RAP1GAP2: variants seen among roughly 807,000 people sequenced by gnomAD.
The protein encoded by RAP1GAP2 is rap1 GTPase-activating protein 2.
A neutral mutation model predicts 95.0 loss-of-function variants in RAP1GAP2; 27 were observed. That is an observed-to-expected ratio of 0.28 (90% CI 0.21 to 0.39). The LOEUF is 0.39. Among genes scored for constraint, RAP1GAP2 ranks in the 10% least tolerant of loss-of-function variants. The pLI is 1.00. For missense variants in RAP1GAP2, 771 were observed against 970.0 expected (o/e 0.79, Z 2.72); for synonymous variants, 373 against 380.9 (o/e 0.98, Z 0.24).
intron 2 of RAP1GAP2, among the ~76,000 whole-genome samples, chr17:2,879,975 A>G (rs761947840): frequency 9.2e-5 from 14 of 151,704 alleles, no homozygotes; most frequent in Middle Eastern, 3.4e-3. Flanking sequence ...TGAATATCCA[A>G]TGGGGACCAG....
rs1248204040 is a variant in RAP1GAP2 at position 3,035,742 on chromosome 17, C to G, written c.*2381C>G. 1 of 152,362 alleles carries G rather than the reference C, an allele frequency of 6.6e-6. No individual in the cohort carries two copies. Among genetic ancestry groups the G allele is most frequent in the Non-Finnish European group, 1.5e-5 (1 of 68,164 alleles). 9.4% of individuals were successfully genotyped at this position (152,362 alleles called of 1,614,324 possible). On this transcript the variant is annotated 3_prime_UTR_variant, in exon 25 of 25. Transcript: ENST00000254695. The surrounding 1 kb of genome is among the most constrained non-coding windows in gnomAD (Gnocchi z 4.3). Reference sequence around the variant, plus strand: ...AGAGGGAGGAGGAGAACAAGGATGGCCCAGCCTCCCCTCCCTCCCCTAGAC... The same window carrying G: ...AGAGGGAGGAGGAGAACAAGGATGGGCCAGCCTCCCCTCCCTCCCCTAGAC...
At chr17:2,914,253 AGT>A in intron 3 of RAP1GAP2, among the ~76,000 whole-genome samples, 1 of 152,124 alleles carries the variant, frequency 6.6e-6, no homozygotes, top group Non-Finnish European at 1.5e-5. Flanking sequence ...GTGTCATTTG[AGT>A]TCTCGCTGCT....
At chr17:2,999,037 C>G (rs2046063948) in intron 14 of RAP1GAP2, among the ~76,000 whole-genome samples, 1 of 152,148 alleles carries the variant, frequency 6.6e-6, no homozygotes, top group African/African-American at 2.4e-5. Context: ...AATGATGGAT[C>G]TTAATTTAAA....
intron 11 of RAP1GAP2, among the ~76,000 whole-genome samples, chr17:2,986,469 C>T (rs184690834): frequency 6.6e-5 from 10 of 152,096 alleles, no homozygotes; most frequent in Admixed American, 2.6e-4. Context: ...ATGAGCCATC[C>T]GTCTCCGAGA....
chr17:2,881,582 T>C (rs867160730), intron 2 of RAP1GAP2, among the ~76,000 whole-genome samples: 1 of 152,228 alleles, frequency 6.6e-6, no homozygotes, highest in South Asian at 2.1e-4. Context: ...TCACCTGTGA[T>C]CATTGTGAAT....
At chr17:2,905,263 C>A in intron 2 of RAP1GAP2, 21 bp from the exon 3 acceptor site, 2 of 1,611,918 alleles carry the variant, frequency 1.2e-6, no homozygotes, top group Non-Finnish European at 8.5e-7. Context: ...TCCTCACTCA[C>A]CTCTTTTGGC....
chr17:2,770,571 TGGGGAG>T (rs940783423), intron 2 of RAP1GAP2: 5 of 396,942 alleles, frequency 1.3e-5, no homozygotes, highest in African/African-American at 1.0e-4. Context: ...CCCTCAGTGA[TGGGGAG>T]GCCTTCTAGG....
At chr17:2,911,661 G>A (rs1203446891) in intron 3 of RAP1GAP2, among the ~76,000 whole-genome samples, 1 of 149,686 alleles carries the variant, frequency 6.7e-6, no homozygotes, top group East Asian at 2.0e-4. Context: ...GTGGGGAGGA[G>A]AGGAGGGGGA....
rs1356005535 is a variant in RAP1GAP2, at chr17:3,003,679, C to G, written c.1201-1690C>G. ...CACCTGCATCTGCCTCTCTCCCTCC[C>G]TCCAAGCCCTCGCTGGAGGCCCTCG... On this transcript the variant is annotated intron_variant, in intron 14 of 24. Coordinates refer to ENST00000254695, the MANE Select transcript of RAP1GAP2 (RefSeq NM_015085.5). This position sits in a 1 kb window ranked among gnomAD's most constrained non-coding sequence, Gnocchi z 4.1. Among the ~76,000 whole-genome samples, 2 of 152,212 alleles carry G rather than the reference C, an allele frequency of 1.3e-5. No individual in the cohort carries two copies. Among genetic ancestry groups the G allele is most frequent in the Non-Finnish European group, 2.9e-5 (2 of 68,040 alleles).
intron 2 of RAP1GAP2, among the ~76,000 whole-genome samples, chr17:2,828,296 G>A (rs539476797): frequency 7.4e-4 from 113 of 152,136 alleles, no homozygotes; most frequent in Non-Finnish European, 1.4e-3. Flanking sequence ...AGCCGAGATC[G>A]CGCCATTGCA....
chr17:2,765,537 C>T (rs889696449), intron 1 of RAP1GAP2, among the ~76,000 whole-genome samples: 4 of 151,866 alleles, frequency 2.6e-5, no homozygotes, highest in African/African-American at 4.8e-5. Flanking sequence ...GTCAGGAGAT[C>T]GAGACCATCC....
rs375341868 is a variant in RAP1GAP2 at position 2,981,170 on chromosome 17, C to T, written c.676-25C>T. 7.5e-6 allele frequency: 12 copies of T among 1,607,218 alleles called. No individual in the cohort carries two copies. The African/African-American group carries it at 1.3e-4, about 18-fold the overall frequency. ...TGTCCTCTACAGATATCATCCCTGA[C>T]CTGCGTCTTCTTCTCCCTTCTCAGG... On this transcript the variant is annotated intron_variant, in intron 9 of 24. Transcript: ENST00000254695.
chr17:2,939,225 G>T (rs2043401455), intron 3 of RAP1GAP2, among the ~76,000 whole-genome samples: 1 of 152,044 alleles, frequency 6.6e-6, no homozygotes, highest in South Asian at 2.1e-4. Flanking sequence ...GAGTAGCTGG[G>T]ACTACAGGCA....
In RAP1GAP2 at chr17:3,037,174, C is replaced by T. The variant is rs2047487564; in HGVS notation, c.*3813C>T. The T allele has an allele frequency of 5.2e-5, 8 of 152,656 alleles. No individual in the cohort carries two copies. The highest frequency in any genetic ancestry group is 2.1e-4 in the South Asian group (1 of 4,832). 9.5% of individuals were successfully genotyped at this position (152,656 alleles called of 1,614,324 possible). A position where few individuals can be genotyped will look rare whatever the true frequency, so the allele number is the denominator to read the frequency against. On this transcript the variant is annotated 3_prime_UTR_variant, in exon 25 of 25. Transcript: ENST00000254695. ...CCCTCCCTTCAGCTGGACCGTGTGC[C>T]CCTTTGGGAGGAAGAAGACAAGCCC...
intron 2 of RAP1GAP2, among the ~76,000 whole-genome samples, chr17:2,849,824 C>T (rs1428669298): frequency 6.6e-6 from 1 of 152,196 alleles, no homozygotes; most frequent in African/African-American, 2.4e-5. Flanking sequence ...TCCTCATTTC[C>T]TGCGGTCTGC....
chr17:2,836,856 C>T (rs2071152840), intron 2 of RAP1GAP2, among the ~76,000 whole-genome samples: 1 of 152,190 alleles, frequency 6.6e-6, no homozygotes, highest in African/African-American at 2.4e-5. Context: ...GATTAAGCTG[C>T]TTCCTTCTAT....
intron 19 of RAP1GAP2, 77 bp from the exon 20 acceptor site, chr17:3,025,931 G>C (rs576442969): frequency 9.0e-7 from 1 of 1,105,708 alleles, no homozygotes; most frequent in African/African-American, 1.5e-5. Flanking sequence ...GCCGAGAGAG[G>C]CTCTGCCTGG....
intron 2 of RAP1GAP2, chr17:2,770,472 C>A: frequency 2.5e-6 from 1 of 398,760 alleles, no homozygotes; most frequent in Non-Finnish European, 4.4e-6. Context: ...CCTTGACCCT[C>A]ACATTCTTTG....
At chr17:2,925,909 C>A (rs1430777052) in intron 3 of RAP1GAP2, among the ~76,000 whole-genome samples, 1 of 152,086 alleles carries the variant, frequency 6.6e-6, no homozygotes, top group African/African-American at 2.4e-5. Context: ...GAGGCTGAGG[C>A]AGGTGGATCA....
Sources: gnomAD v4.1 joint callset for allele counts (sites outside exome capture counted in the v4.1 genomes callset) on GRCh38, gnomAD v4.1.1 for gene constraint, Gnocchi (gnomAD v3.1) non-coding constraint, MANE v1.5 for transcripts, NCBI Gene and HGNC (gene_info 2026-07-23, HGNC 2026-07-21) for gene names.